The following CCDC91 variants were observed in gnomAD, a reference collection of about 807,000 sequenced individuals.
The protein encoded by CCDC91 is coiled-coil domain-containing protein 91.
CCDC91 carries 48 observed loss-of-function variants against 63.2 expected under a neutral mutation model. That is an observed-to-expected ratio of 0.76 (90% CI 0.60 to 0.97). The LOEUF (loss-of-function observed/expected upper bound fraction) is 0.97, where lower values mean the gene tolerates loss of function less well. CCDC91 is among the 50% of genes least tolerant of loss of function. The pLI is 0.00. For synonymous variants in CCDC91, 167 were observed against 165.8 expected (o/e 1.01, Z -0.06); for missense variants, 500 against 494.6 (o/e 1.01, Z -0.10).
At chr12:28,539,118 C>A (rs377352822) in intron 12 of CCDC91, among the ~76,000 whole-genome samples, 23 of 152,278 alleles carry the variant, frequency 1.5e-4, no homozygotes, top group East Asian at 7.7e-4. Flanking sequence ...TGAATAAGAT[C>A]CCATTTGTCA....
intron 7 of CCDC91, among the ~76,000 whole-genome samples, chr12:28,382,119 T>C (rs1410913052): frequency 6.6e-6 from 1 of 152,084 alleles, no homozygotes; most frequent in African/African-American, 2.4e-5. Context: ...CAATCTAGTC[T>C]GCCTCAAAAT....
At chr12:28,479,276 T>C (rs1333631484) in intron 11 of CCDC91, among the ~76,000 whole-genome samples, 1 of 152,170 alleles carries the variant, frequency 6.6e-6, no homozygotes, top group Non-Finnish European at 1.5e-5. Flanking sequence ...TGGAATACTA[T>C]GCAGCCATAA....
intron 12 of CCDC91, among the ~76,000 whole-genome samples, chr12:28,496,409 A>G (rs1565476006): frequency 6.6e-6 from 1 of 151,636 alleles, no homozygotes; most frequent in African/African-American, 2.4e-5. Flanking sequence ...TAGTGGAGCC[A>G]TAGGAGCAGA....
intron 12 of CCDC91, among the ~76,000 whole-genome samples, chr12:28,506,371 G>A (rs1317494910): frequency 6.6e-6 from 1 of 151,910 alleles, no homozygotes; most frequent in Non-Finnish European, 1.5e-5. Flanking sequence ...CTGCATCTTT[G>A]TTTCTCCACT....
chr12:28,484,463 T>G (rs1276982864), intron 12 of CCDC91, among the ~76,000 whole-genome samples: 1 of 152,168 alleles, frequency 6.6e-6, no homozygotes, highest in Non-Finnish European at 1.5e-5. Flanking sequence ...ACATTTTTAG[T>G]CTTTTGCCAT....
chr12:28,522,881 GT>G (rs1474824338), intron 12 of CCDC91, among the ~76,000 whole-genome samples: 1 of 152,186 alleles, frequency 6.6e-6, no homozygotes, highest in Non-Finnish European at 1.5e-5. Context: ...TAGTTGAGTG[GT>G]TTTGAGTGAG....
chr12:28,542,788 T>C (rs1286104083), intron 12 of CCDC91, among the ~76,000 whole-genome samples: 1 of 151,836 alleles, frequency 6.6e-6, no homozygotes, highest in Non-Finnish European at 1.5e-5. Context: ...CTTAAAGGTA[T>C]TTTTTTTATT....
intron 8 of CCDC91, among the ~76,000 whole-genome samples, chr12:28,426,866 T>C (rs1948346634): frequency 1.3e-5 from 2 of 152,190 alleles, no homozygotes; most frequent in African/African-American, 4.8e-5. Flanking sequence ...TTATAACTTT[T>C]TATGATGTAC....
chr12:28,297,297 A>G (rs1358492341), intron 3 of CCDC91, among the ~76,000 whole-genome samples: 1 of 151,714 alleles, frequency 6.6e-6, no homozygotes. Flanking sequence ...AATTACTGGG[A>G]AAAAAAATTG....
intron 7 of CCDC91, among the ~76,000 whole-genome samples, chr12:28,376,345 A>G (rs1944945079): frequency 6.6e-6 from 1 of 151,740 alleles, no homozygotes; most frequent in South Asian, 2.1e-4. Flanking sequence ...TTTTTTCCAT[A>G]TAAGAAAGAT....
At chr12:28,246,287 C>T (rs1430734373) in intron 1 of CCDC91, among the ~76,000 whole-genome samples, 1 of 151,994 alleles carries the variant, frequency 6.6e-6, no homozygotes, top group Non-Finnish European at 1.5e-5. Context: ...CAGATAAGCA[C>T]AGGGAAGAGT....
intron 12 of CCDC91, among the ~76,000 whole-genome samples, chr12:28,490,970 T>G (rs1444097612): frequency 6.6e-6 from 1 of 151,802 alleles, no homozygotes. Flanking sequence ...TAAAGCCCAA[T>G]GCTTAGATTA....
chr12:28,301,181 A>T (rs1458102892), intron 3 of CCDC91, among the ~76,000 whole-genome samples: 1 of 151,420 alleles, frequency 6.6e-6, no homozygotes, highest in Non-Finnish European at 1.5e-5. Flanking sequence ...ATCTTTTCCC[A>T]TTAGTTAAGT....
At chr12:28,234,863 A>C (rs1190905126) in intron 1 of CCDC91, among the ~76,000 whole-genome samples, 1 of 151,944 alleles carries the variant, frequency 6.6e-6, no homozygotes, top group Non-Finnish European at 1.5e-5. Flanking sequence ...ATAAAATTAC[A>C]GTTTTTGTTT....
At chr12:28,263,379 G>A (rs531228063) in intron 3 of CCDC91, among the ~76,000 whole-genome samples, 2 of 151,712 alleles carry the variant, frequency 1.3e-5, no homozygotes, top group Non-Finnish European at 2.9e-5. Flanking sequence ...AGCCTCTGGC[G>A]ACTAGGATCC....
At chr12:28,485,756 A>G (rs1356828557) in intron 12 of CCDC91, among the ~76,000 whole-genome samples, 2 of 152,152 alleles carry the variant, frequency 1.3e-5, no homozygotes, top group East Asian at 1.9e-4. Flanking sequence ...TGGCTTTTCA[A>G]AGGAGTATTA....
chr12:28,537,866 C>T (rs1407933264), intron 12 of CCDC91, among the ~76,000 whole-genome samples: 6 of 152,130 alleles, frequency 3.9e-5, no homozygotes, highest in Non-Finnish European at 8.8e-5. Context: ...CTGCCACTCT[C>T]ATTTCTTGGC....
intron 11 of CCDC91, among the ~76,000 whole-genome samples, chr12:28,474,828 A>G (rs1472875801): frequency 6.6e-6 from 1 of 152,116 alleles, no homozygotes; most frequent in Non-Finnish European, 1.5e-5. Flanking sequence ...TGTCTCTCAG[A>G]CGACAGTGCA....
intron 1 of CCDC91, among the ~76,000 whole-genome samples, chr12:28,210,665 T>A (rs1455706128): frequency 6.6e-6 from 1 of 152,170 alleles, no homozygotes; most frequent in African/African-American, 2.4e-5. Context: ...AAAGTTCTTA[T>A]AAATTTTTTA....
Sources: allele counts gnomAD v4.1 joint callset (sites outside exome capture counted in the v4.1 genomes callset), GRCh38; gene constraint gnomAD v4.1.1; transcripts MANE v1.5; gene names NCBI Gene and HGNC (gene_info 2026-07-23, HGNC 2026-07-21).